The following ATP6V0A2 variants were observed in gnomAD, a reference collection of about 807,000 sequenced individuals.
ATP6V0A2 encodes the protein V-type proton ATPase 116 kDa subunit a 2.
A neutral mutation model predicts 104.4 loss-of-function variants in ATP6V0A2; 58 were observed. The observed-to-expected ratio is 0.56, with a 90% CI of 0.45 to 0.69. The LOEUF is 0.69. Among genes scored for constraint, ATP6V0A2 ranks in the 30% least tolerant of loss-of-function variants. The pLI is 0.00. For missense variants in ATP6V0A2, 938 were observed against 1,062.9 expected (o/e 0.88, Z 1.63); for synonymous variants, 376 against 397.9 (o/e 0.95, Z 0.65).
chr12:123,752,429 A>T (rs1297374835), intron 17 of ATP6V0A2, 27 bp downstream of exon 17: 13 of 1,612,742 alleles, frequency 8.1e-6, no homozygotes, highest in Non-Finnish European at 1.1e-5. Flanking sequence ...GCTATTGATA[A>T]ACTTAGATAA....
intron 1 of ATP6V0A2, among the ~76,000 whole-genome samples, chr12:123,714,179 G>A (rs540396349): frequency 6.6e-6 from 1 of 152,186 alleles, no homozygotes; most frequent in Non-Finnish European, 1.5e-5. Context: ...TTGAGCAAAC[G>A]TACTAATCAC....
intron 18 of ATP6V0A2, among the ~76,000 whole-genome samples, chr12:123,755,637 C>T (rs1956756038): frequency 6.7e-6 from 1 of 148,462 alleles, no homozygotes; most frequent in Non-Finnish European, 1.5e-5. Context: ...CCAATTTACA[C>T]AGCAGGAACC....
intron 18 of ATP6V0A2, chr12:123,754,779 C>T: frequency 1.9e-6 from 1 of 518,936 alleles, no homozygotes; most frequent in Non-Finnish European, 3.5e-6. Context: ...AGAGCCTGCC[C>T]AATTTAAAAA....
At chr12:123,739,229 C>T (rs1031352182) in intron 9 of ATP6V0A2, among the ~76,000 whole-genome samples, 5 of 152,202 alleles carry the variant, frequency 3.3e-5, no homozygotes, top group East Asian at 1.9e-4. Flanking sequence ...GTTCTTTGCT[C>T]CGCTCGTGGG....
At chr12:123,747,841 A>C in intron 14 of ATP6V0A2, 116 bp downstream of exon 14, 1 of 694,564 alleles carries the variant, frequency 1.4e-6, no homozygotes, top group African/African-American at 1.8e-5. Flanking sequence ...ATGATGTTGT[A>C]TTTACATGAT....
chr12:123,732,781 C>T (rs533052182), intron 6 of ATP6V0A2: 2 of 138,584 alleles, frequency 1.4e-5, no homozygotes, highest in South Asian at 2.6e-4. Context: ...CCTCATCCTG[C>T]GTCTGTTCTT....
At chr12:123,756,718 TTCAGGGCCG>T (rs1268558964) in intron 18 of ATP6V0A2, 88 bp from the exon 19 acceptor site, 1 of 1,313,240 alleles carries the variant, frequency 7.6e-7, no homozygotes, top group African/African-American at 1.4e-5. Context: ...GGGATAATAG[TTCAGGGCCG>T]TCAGGGGGAA....
chr12:123,726,362 G>A, intron 5 of ATP6V0A2, 77 bp downstream of exon 5: 1 of 1,000,556 alleles, frequency 1.0e-6, no homozygotes. Flanking sequence ...TAGAAGGGAT[G>A]AATGGAGACC....
intron 5 of ATP6V0A2, among the ~76,000 whole-genome samples, chr12:123,726,569 G>A (rs753090600): frequency 2.6e-5 from 4 of 152,162 alleles, no homozygotes; most frequent in Non-Finnish European, 5.9e-5. Flanking sequence ...TAAAACAATT[G>A]GTCATTCAGG....
chr12:123,746,268 G>A (rs1251579957), intron 13 of ATP6V0A2, among the ~76,000 whole-genome samples: 1 of 151,852 alleles, frequency 6.6e-6, no homozygotes, highest in Admixed American at 6.6e-5. Flanking sequence ...TTTTAAACTA[G>A]GCATTACATT....
intron 4 of ATP6V0A2, among the ~76,000 whole-genome samples, chr12:123,725,986 A>G (rs1184721366): frequency 6.6e-6 from 1 of 152,154 alleles, no homozygotes; most frequent in Admixed American, 6.5e-5. Flanking sequence ...TCTTTTATGT[A>G]AATGTCTTCA....
intron 1 of ATP6V0A2, among the ~76,000 whole-genome samples, chr12:123,718,377 A>G (rs1345111206): frequency 6.6e-6 from 1 of 151,958 alleles, no homozygotes; most frequent in Non-Finnish European, 1.5e-5. Context: ...GGCGTGAGCT[A>G]CCGCCCCGGC....
intron 8 of ATP6V0A2, among the ~76,000 whole-genome samples, 189 bp from the exon 9 acceptor site, chr12:123,736,870 C>A (rs559321064): frequency 3.4e-4 from 52 of 152,246 alleles, no homozygotes; most frequent in Middle Eastern, 6.8e-3. Context: ...GATTTTTCTG[C>A]CCACCTCCGA....
rs550954700 is a variant in ATP6V0A2 at position 123,712,491 on chromosome 12, G to A, written c.-75G>A. The A allele has an allele frequency of 8.0e-6, 8 of 1,005,256 alleles. No homozygotes were observed. The South Asian group carries it at 1.2e-4, about 15-fold the overall frequency. 62.3% of individuals were successfully genotyped at this position (1,005,256 alleles called of 1,614,324 possible). ...AAGAGCTCGAGGCCCGGGCCGCACC[G>A]GCTGAGTGTGCGGGCCCGCGCGGCT... On this transcript the variant is annotated 5_prime_UTR_variant, in exon 1 of 20. Transcript: ENST00000330342.
In ATP6V0A2 at chr12:123,743,930, A is replaced by G. The variant is rs1956634717; in HGVS notation, c.1184A>G (p.Asn395Ser). ...GGAGTCGGAAGCTACAGAGAAGTCA[A>G]TCCAGGTTGGAAGTCTGATTTGTAA... is the stretch of plus-strand genomic sequence containing the variant. Reference protein sequence around the residue: ...AYGVGSYREVNPALFTIITFP... With the variant: ...AYGVGSYREVSPALFTIITFP... The change falls in exon 10 of 20, where the codon AAT (asparagine) becomes AGT (serine). Residue 395 changes from asparagine to serine, a missense_variant. Coordinates refer to ENST00000330342, the MANE Select transcript of ATP6V0A2 (RefSeq NM_012463.4). 2 of 1,614,222 alleles carry G rather than the reference A, an allele frequency of 1.2e-6. No homozygotes were observed. The highest frequency in any genetic ancestry group is 1.1e-5 in the South Asian group (1 of 91,082).
chr12:123,738,574 T>C (rs1318080397), intron 9 of ATP6V0A2, among the ~76,000 whole-genome samples: 1 of 152,240 alleles, frequency 6.6e-6, no homozygotes, highest in Non-Finnish European at 1.5e-5. Flanking sequence ...TTAGGATGTT[T>C]CTGTTTGTTT....
chr12:123,748,538 C>A (rs761734366), intron 14 of ATP6V0A2, 37 bp from the exon 15 acceptor site: 2 of 1,487,750 alleles, frequency 1.3e-6, no homozygotes, highest in Non-Finnish European at 9.4e-7. Context: ...TTAGGCTGAT[C>A]TTGTTCGTGG....
chr12:123,721,459 AT>A (rs1216635292), intron 2 of ATP6V0A2: 1 of 155,786 alleles, frequency 6.4e-6, no homozygotes, highest in Non-Finnish European at 1.4e-5. Flanking sequence ...CCTCTTGGCA[AT>A]CTTCTTGCCC....
intron 18 of ATP6V0A2, 127 bp downstream of exon 18, chr12:123,754,664 TAC>T (rs1352266147): frequency 2.8e-6 from 2 of 724,926 alleles, no homozygotes; most frequent in East Asian, 2.6e-5. Flanking sequence ...CACGTGAACT[TAC>T]ACTATTCACT....
Sources: gnomAD v4.1 joint callset for allele counts (sites outside exome capture counted in the v4.1 genomes callset) on GRCh38, gnomAD v4.1.1 for gene constraint, MANE v1.5 for transcripts, NCBI Gene and HGNC (gene_info 2026-07-23, HGNC 2026-07-21) for gene names.